Variants in GRIPAP1 observed in about 807,000 individuals in gnomAD.
GRIPAP1 encodes GRIP1-associated protein 1.
A neutral mutation model predicts 84.1 loss-of-function variants in GRIPAP1; 14 were observed. The ratio of observed to expected loss-of-function variants is 0.17; its 90% CI spans 0.11 to 0.26. The LOEUF (loss-of-function observed/expected upper bound fraction) is 0.26, where lower values mean the gene tolerates loss of function less well. GRIPAP1 is among the 10% of genes least tolerant of loss of function. The pLI is 1.00. For missense variants in GRIPAP1, 518 were observed against 674.2 expected (o/e 0.77, Z 2.57); for synonymous variants, 261 against 256.8 (o/e 1.02, Z -0.15).
chrX:48,976,449 G>T, intron 22 of GRIPAP1, 86 bp from the exon 23 acceptor site: 1 of 1,053,713 alleles, frequency 9.5e-7, no homozygotes, highest in Non-Finnish European at 1.3e-6. Context: ...AGGAGAACCA[G>T]GCCAGAGGTG....
intron 13 of GRIPAP1, among the ~76,000 whole-genome samples, chrX:48,986,383 A>G (rs1293505324): frequency 9.1e-6 from 1 of 110,380 alleles, no homozygotes; most frequent in Non-Finnish European, 1.9e-5. Context: ...CCCTGTCTCT[A>G]CAAAATAATT....
chrX:48,994,513 C>T (rs1459384227), intron 5 of GRIPAP1, among the ~76,000 whole-genome samples: 18 of 111,455 alleles, frequency 1.6e-4, no homozygotes, highest in Non-Finnish European at 5.6e-5. Context: ...CATGAGCCAC[C>T]GCACCCGGCC....
In GRIPAP1 at chrX:48,983,040, G is replaced by C. The variant is rs782096464; in HGVS notation, c.1538C>G (p.Ala513Gly). The part of the protein sequence containing the change: ...TLQQTVEELQ[A>G]QVHSMDGAKG... ...GGCTCCATCCATGGAATGTACCTGA[G>C]CTTGAAGTTCTTCCACTGTCTGCTG... Residue 513 changes from alanine (A) to glycine (G), a missense_variant, in exon 17 of 26, where the codon GCT becomes GGT. Physicochemically the swap from Ala to Gly is moderately conservative, Grantham distance 60. This residue lies in a region of GRIPAP1 where 372 missense variants were observed against 458.1 expected (regional missense o/e 0.81). Transcript: ENST00000376423. 11 of 1,209,750 alleles carry C rather than the reference G, an allele frequency of 9.1e-6. No individual in the cohort carries two copies. The highest frequency in any genetic ancestry group is 1.1e-5 in the Non-Finnish European group (10 of 893,334).
At chrX:48,981,102 C>T (rs1436301319) in intron 21 of GRIPAP1, 113 bp downstream of exon 21, 23 of 505,966 alleles carry the variant, frequency 4.5e-5, no homozygotes, top group African/African-American at 3.0e-4. Context: ...AGTTCCAGAG[C>T]GACAGAAGCA....
rs2064455129 is a variant in GRIPAP1 at position 48,981,299 on chromosome X, G to A, written c.1846C>T (p.Arg616Trp). The part of the protein sequence containing the change: ...KGSAALKDLK[R>W]QLHLERKRAD... ...CGTTTCCGCTCCAAATGCAGCTGCCGCTTGAGGTCCTTGAGCTGTGGGGGA... is the reference window on the plus strand; with the variant it reads ...CGTTTCCGCTCCAAATGCAGCTGCCACTTGAGGTCCTTGAGCTGTGGGGGA... The change falls in exon 21 of 26, where the codon CGG becomes TGG. Residue 616 changes from arginine to tryptophan, a missense_variant. Arg to Trp is a moderately radical substitution (Grantham distance 101). Coordinates refer to ENST00000376423, the MANE Select transcript of GRIPAP1 (RefSeq NM_020137.5). 3 of 1,208,437 alleles carry A rather than the reference G, an allele frequency of 2.5e-6. No homozygotes were observed. Among genetic ancestry groups the A allele is most frequent in the Admixed American group, 2.2e-5 (1 of 45,751 alleles).
intron 6 of GRIPAP1, among the ~76,000 whole-genome samples, chrX:48,991,834 C>T (rs1602476186): frequency 2.7e-5 from 3 of 110,251 alleles, no homozygotes; most frequent in Non-Finnish European, 3.8e-5. Context: ...AGTGAGACTC[C>T]GTCTCAAAAA....
chrX:48,995,504 T>C (rs1437534169), intron 5 of GRIPAP1, among the ~76,000 whole-genome samples: 11 of 111,436 alleles, frequency 9.9e-5, no homozygotes, highest in East Asian at 2.8e-4. Context: ...TAGAAGAAAC[T>C]AGAAGTGAAG....
At chrX:48,998,053 G>A in intron 4 of GRIPAP1, 101 bp downstream of exon 4, 1 of 618,736 alleles carries the variant, frequency 1.6e-6, no homozygotes, top group Non-Finnish European at 2.8e-6. Context: ...AGATGTAAAG[G>A]CACACAAAGA....
intron 25 of GRIPAP1, 130 bp from the exon 26 acceptor site, chrX:48,974,415 T>C: frequency 2.1e-6 from 1 of 467,494 alleles, no homozygotes; most frequent in Non-Finnish European, 3.8e-6. Flanking sequence ...TGGCCTGGGA[T>C]GAGAAGGTAC....
At chrX:48,980,810 G>C (rs1235756958) in intron 21 of GRIPAP1, 1 of 145,025 alleles carries the variant, frequency 6.9e-6, no homozygotes, top group Non-Finnish European at 1.3e-5. Flanking sequence ...TTGAATCCAG[G>C]AGGCAGAGGT....
chrX:48,994,452 G>A (rs1337280506), intron 5 of GRIPAP1, among the ~76,000 whole-genome samples: 1 of 110,483 alleles, frequency 9.1e-6, no homozygotes. Flanking sequence ...TTGAACTCCT[G>A]ACCTCAGGTG....
chrX:48,983,641 GGT>G, intron 15 of GRIPAP1, 132 bp downstream of exon 15: 2 of 558,314 alleles, frequency 3.6e-6, no homozygotes, highest in South Asian at 5.3e-5. Flanking sequence ...CCAAGAAACT[GGT>G]CAACCAGAAA....
chrX:48,978,962 T>C (rs2064438487), intron 21 of GRIPAP1, among the ~76,000 whole-genome samples: 2 of 100,204 alleles, frequency 2.0e-5, no homozygotes, highest in South Asian at 8.6e-4. Flanking sequence ...ACATACAAAA[T>C]GAGAGGGAGA....
intron 14 of GRIPAP1, 119 bp from the exon 15 acceptor site, chrX:48,983,989 A>G (rs1410781860): frequency 7.7e-6 from 4 of 519,508 alleles, no homozygotes; most frequent in Non-Finnish European, 1.4e-5. Context: ...TGTGATCTCA[A>G]TTTCTGGATA....
At position 48,997,307 on chromosome X, in the gene GRIPAP1, G is replaced by A; in HGVS notation, c.249C>T (p.His83=). ...SENEMLQAKL[H]SQEEDFRLQN... is the part of the protein sequence containing the mutation. ...GCAAACGGAAGTCCTCCTCCTGGCTGTGCAGCTTTGCCTGCAGCATCTCAT... is the reference window on the plus strand; with the variant it reads ...GCAAACGGAAGTCCTCCTCCTGGCTATGCAGCTTTGCCTGCAGCATCTCAT... Residue 83 remains histidine, a synonymous_variant, in exon 5 of 26, where the codon CAC becomes CAT. Coordinates refer to ENST00000376423, the MANE Select transcript of GRIPAP1 (RefSeq NM_020137.5). 1 of 1,185,569 alleles carries A rather than the reference G, an allele frequency of 8.4e-7. No individual in the cohort carries two copies. Among genetic ancestry groups the A allele is most frequent in the Non-Finnish European group, 1.1e-6 (1 of 878,606 alleles).
At chrX:48,982,483 C>T (rs1205999266) in intron 17 of GRIPAP1, among the ~76,000 whole-genome samples, 1 of 112,653 alleles carries the variant, frequency 8.9e-6, no homozygotes, top group Non-Finnish European at 1.9e-5. Flanking sequence ...TCAAGTGATT[C>T]TTCTGCCTCA....
intron 11 of GRIPAP1, 140 bp from the exon 12 acceptor site, chrX:48,988,338 G>A (rs2064503504): frequency 2.1e-6 from 1 of 466,244 alleles, no homozygotes; most frequent in African/African-American, 2.4e-5. Context: ...AGCAATCTCA[G>A]GTTCACCCAG....
Position 48,981,876 on chromosome X carries a change from C to A in GRIPAP1, c.1600-4G>T, listed in dbSNP as rs1557062352. On this transcript the variant is annotated splice_polypyrimidine_tract_variant and splice_region_variant and intron_variant, in intron 17 of 25. Coordinates refer to ENST00000376423, the MANE Select transcript of GRIPAP1 (RefSeq NM_020137.5). ...GCTGCTGCTGCTGCAGGGATTCCTA[C>A]AAGACAAGTCCCAGGTCTGGCCACA... The A allele has an allele frequency of 1.7e-6, 2 of 1,144,735 alleles. No individual in the cohort carries two copies. The highest frequency in any genetic ancestry group is 3.6e-5 in the African/African-American group (2 of 55,335). 94.3% of individuals were successfully genotyped at this position (1,144,735 alleles called of 1,213,427 possible).
chrX:48,987,721 C>T, intron 13 of GRIPAP1, 64 bp downstream of exon 13: 1 of 690,565 alleles, frequency 1.4e-6, no homozygotes, highest in Non-Finnish European at 2.3e-6. Flanking sequence ...CTGATGTGGA[C>T]CAGAAGCAGA....
Sources: gnomAD v4.1 joint callset for allele counts (sites outside exome capture counted in the v4.1 genomes callset) on GRCh38, gnomAD v4.1.1 for gene constraint, gnomAD v4.1.1 regional missense constraint, MANE v1.5 for transcripts, NCBI Gene and HGNC (gene_info 2026-07-23, HGNC 2026-07-21) for gene names.